PCDHGA4: variants seen among roughly 807,000 people sequenced by gnomAD.
PCDHGA4 encodes protocadherin gamma-A4.
A neutral mutation model predicts 54.6 loss-of-function variants in PCDHGA4; 38 were observed. That is an observed-to-expected ratio of 0.70 (90% confidence interval 0.54 to 0.91). The LOEUF is 0.91. Ranked by LOEUF, PCDHGA4 falls within the 40% of genes least tolerant of loss-of-function variation. The pLI is 0.00. For missense variants in PCDHGA4, 1,298 were observed against 1,220.9 expected (o/e 1.06, Z -0.94); for synonymous variants, 511 against 512.9 (o/e 1.00, Z 0.05).
chr5:141,418,330 A>C (rs1346623372), intron 1 of PCDHGA4: 2 of 1,613,922 alleles, frequency 1.2e-6, no homozygotes, highest in Admixed American at 1.7e-5. Flanking sequence ...TTGAGTCTGC[A>C]GAAGATCCTG....
At chr5:141,475,217 A>G (rs1053906682) in intron 1 of PCDHGA4, among the ~76,000 whole-genome samples, 4 of 152,196 alleles carry the variant, frequency 2.6e-5, no homozygotes, top group Non-Finnish European at 5.9e-5. Flanking sequence ...AGGATTGATC[A>G]AGTAAAGGGA....
At position 141,355,717 on chromosome 5, in the gene PCDHGA4, A is replaced by G. The variant is rs531471033; in HGVS notation, c.610A>G (p.Asn204Asp). The change falls in exon 1 of 4, where the codon AAC becomes GAC. Residue 204 changes from asparagine to aspartate, a missense_variant. Coordinates refer to ENST00000571252, the MANE Select transcript of PCDHGA4 (RefSeq NM_018917.4). The stretch of plus-strand genomic sequence containing the variant: ...AAACTCCCTGCAGGGTTACCAGCTC[A>G]ACTCAAACGGTTACTTTTCCCTGGA... ...GVNSLQGYQLNSNGYFSLDVQ... is the reference protein window; with the variant it reads ...GVNSLQGYQLDSNGYFSLDVQ... 3.0e-5 allele frequency: 49 copies of G among 1,614,020 alleles called. No individual in the cohort carries two copies. The highest frequency in any genetic ancestry group is 1.3e-4 in the Admixed American group (8 of 60,030).
chr5:141,398,105 G>A (rs778559832), intron 1 of PCDHGA4: 2 of 1,595,534 alleles, frequency 1.3e-6, no homozygotes, highest in East Asian at 4.5e-5. Context: ...AGGCTGGTGA[G>A]CAAGCTGAGG....
intron 1 of PCDHGA4, chr5:141,384,367 T>G (rs1780005491): frequency 1.2e-6 from 2 of 1,613,766 alleles, no homozygotes; most frequent in African/African-American, 2.7e-5. Flanking sequence ...GATCACTTAT[T>G]CCTTGGCCGA....
intron 1 of PCDHGA4, chr5:141,391,690 A>AC (rs1231042361): frequency 6.6e-6 from 1 of 152,236 alleles, no homozygotes; most frequent in African/African-American, 2.4e-5. Flanking sequence ...TTCATCTGCT[A>AC]CGTTGCCCAG....
At chr5:141,398,683 C>T (rs910361681) in intron 1 of PCDHGA4, 1 of 1,613,796 alleles carries the variant, frequency 6.2e-7, no homozygotes, top group African/African-American at 1.3e-5. Flanking sequence ...TAAGGAGAAA[C>T]AGGATGGTAG....
In PCDHGA4 at chr5:141,357,422, T is replaced by C. The variant is rs1277142896; in HGVS notation, c.2315T>C (p.Val772Ala). 2 of 1,614,254 alleles carry C rather than the reference T, an allele frequency of 1.2e-6. No individual in the cohort carries two copies. The highest frequency in any genetic ancestry group is 2.2e-5 in the East Asian group (1 of 44,878). ...RLAGVPASHF[V>A]GVDGVRAFLQ... is the part of the protein sequence containing the mutation. ...GCAGGTGTGCCTGCCTCGCACTTTGTGGGCGTGGACGGGGTTCGGGCTTTC... is the reference window on the plus strand; with the variant it reads ...GCAGGTGTGCCTGCCTCGCACTTTGCGGGCGTGGACGGGGTTCGGGCTTTC... Residue 772 changes from valine (V) to alanine (A), a missense_variant, in exon 1 of 4, where the codon GTG becomes GCG. Physicochemically the swap from Val to Ala is moderately conservative, Grantham distance 64. Transcript: ENST00000571252.
chr5:141,430,984 C>G (rs765063685), intron 1 of PCDHGA4: 2 of 1,613,530 alleles, frequency 1.2e-6, no homozygotes, highest in Non-Finnish European at 1.7e-6. Flanking sequence ...CGCAGCTTTT[C>G]GCCCTGAATC....
intron 1 of PCDHGA4, among the ~76,000 whole-genome samples, chr5:141,469,859 A>C (rs2099213257): frequency 6.6e-6 from 1 of 152,080 alleles, no homozygotes; most frequent in Non-Finnish European, 1.5e-5. Context: ...GACCGGGTGC[A>C]ATGGCTCACG....
At chr5:141,369,614 A>G (rs1334946148) in intron 1 of PCDHGA4, among the ~76,000 whole-genome samples, 2 of 152,240 alleles carry the variant, frequency 1.3e-5, no homozygotes, top group East Asian at 3.8e-4. Context: ...AAGGTCAATC[A>G]TTTCCTCATT....
intron 1 of PCDHGA4, chr5:141,409,795 G>A (rs764584425): frequency 1.2e-6 from 2 of 1,611,722 alleles, no homozygotes; most frequent in Admixed American, 1.7e-5. Context: ...TCGCGCTCAC[G>A]CTGCAGGCCC....
At chr5:141,421,146 C>T in intron 1 of PCDHGA4, 1 of 1,015,090 alleles carries the variant, frequency 9.9e-7, no homozygotes, top group Non-Finnish European at 1.4e-6. Flanking sequence ...TGGATGTAGT[C>T]GGCCTAGGAC....
At chr5:141,372,022 G>A in intron 1 of PCDHGA4, 1 of 1,613,416 alleles carries the variant, frequency 6.2e-7, no homozygotes, top group Non-Finnish European at 8.5e-7. Context: ...CCTACGCTCA[G>A]CGCCAACGTG....
At chr5:141,428,188 G>T in intron 1 of PCDHGA4, 1 of 1,433,356 alleles carries the variant, frequency 7.0e-7, no homozygotes. Flanking sequence ...GACAGCCGCC[G>T]CTCTCTGCGC....
At chr5:141,368,431 A>G (rs376859316) in intron 1 of PCDHGA4, among the ~76,000 whole-genome samples, 2 of 152,264 alleles carry the variant, frequency 1.3e-5, no homozygotes, top group African/African-American at 4.8e-5. Flanking sequence ...TCTGACCAAA[A>G]TGTAAAATGT....
intron 1 of PCDHGA4, chr5:141,405,038 G>C: frequency 6.2e-7 from 1 of 1,613,964 alleles, no homozygotes; most frequent in Non-Finnish European, 8.5e-7. Context: ...CCTCGTTGTG[G>C]CTGTGGCAGT....
rs375915850 is a variant in PCDHGA4, at chr5:141,397,975, G to A, written c.2514+40354G>A. The A allele has an allele frequency of 2.3e-4, 272 of 1,189,006 alleles. 1 individual carries two copies. Among genetic ancestry groups the A allele is most frequent in the African/African-American group, 9.9e-4 (64 of 64,918 alleles). 73.7% of individuals were successfully genotyped at this position (1,189,006 alleles called of 1,614,324 possible). ...GCCCCAGCTCAGACTCCCCAGCGCC[G>A]GCCTTTACACCGCTTCCTCCTCGGA... On this transcript the variant is annotated intron_variant, in intron 1 of 3. Transcript: ENST00000571252.
chr5:141,447,056 G>A (rs1452688256), intron 1 of PCDHGA4, among the ~76,000 whole-genome samples: 1 of 152,058 alleles, frequency 6.6e-6, no homozygotes, highest in Non-Finnish European at 1.5e-5. Flanking sequence ...CTATTAAAAT[G>A]TGTCAGGCTG....
intron 1 of PCDHGA4, chr5:141,392,398 C>T (rs926356717): frequency 1.3e-5 from 2 of 155,550 alleles, no homozygotes; most frequent in African/African-American, 4.8e-5. Context: ...CATTTAATAA[C>T]ACTAAATAAA....
Sources: allele counts gnomAD v4.1 joint callset (sites outside exome capture counted in the v4.1 genomes callset), GRCh38; gene constraint gnomAD v4.1.1; transcripts MANE v1.5; gene names NCBI Gene and HGNC (gene_info 2026-07-23, HGNC 2026-07-21).